Variants in DLG2 observed in about 807,000 individuals in gnomAD.
DLG2 encodes disks large homolog 2.
Under a neutral mutation model 132.5 loss-of-function variants are expected in DLG2, and 45 were observed. The ratio of observed to expected loss-of-function variants is 0.34; its 90% CI spans 0.27 to 0.44. The LOEUF is 0.44. Among genes scored for constraint, DLG2 ranks in the 20% least tolerant of loss-of-function variants. The probability of loss-of-function intolerance (pLI) is 1.00; values close to 1 mark genes in which losing one functional copy is unlikely to be tolerated. For synonymous variants in DLG2, 424 were observed against 419.6 expected, an observed-to-expected ratio of 1.01 and a Z score of -0.13; for missense variants, 1,045 against 1,196.9, an observed-to-expected ratio of 0.87 and a Z score of 1.87.
At chr11:84,044,612 T>C (rs2096197042) in intron 11 of DLG2, among the ~76,000 whole-genome samples, 1 of 151,714 alleles carries the variant, frequency 6.6e-6, no homozygotes, top group African/African-American at 2.4e-5. Flanking sequence ...GCTTTTGAGA[T>C]TTTGTTAAAT....
At chr11:83,674,360 G>T (rs1488002837) in intron 18 of DLG2, among the ~76,000 whole-genome samples, 6 of 152,134 alleles carry the variant, frequency 3.9e-5, no homozygotes, top group Non-Finnish European at 7.4e-5. Flanking sequence ...TCCTCTATTT[G>T]TCAGGAACTC....
chr11:83,974,504 A>G (rs1400270724), intron 12 of DLG2, among the ~76,000 whole-genome samples: 1 of 152,056 alleles, frequency 6.6e-6, no homozygotes, highest in African/African-American at 2.4e-5. Context: ...CCATGATAAA[A>G]CAGATTTGTT....
intron 6 of DLG2, among the ~76,000 whole-genome samples, chr11:84,908,785 G>T (rs1229702185): frequency 6.6e-6 from 1 of 150,774 alleles, no homozygotes; most frequent in Admixed American, 6.6e-5. Context: ...TATAAACAAA[G>T]ATTTTGTTGA....
chr11:85,305,826 T>G (rs867192490), intron 3 of DLG2, among the ~76,000 whole-genome samples: 1 of 152,210 alleles, frequency 6.6e-6, no homozygotes, highest in South Asian at 2.1e-4. Context: ...TTTCTTTCTT[T>G]TATACTGTGA....
intron 4 of DLG2, among the ~76,000 whole-genome samples, chr11:85,272,936 C>T (rs572224152): frequency 6.6e-6 from 1 of 152,230 alleles, no homozygotes; most frequent in African/African-American, 2.4e-5. Context: ...ACAGAGCCCT[C>T]AGAAATAACA....
intron 17 of DLG2, among the ~76,000 whole-genome samples, chr11:83,788,290 C>T (rs1270122964): frequency 6.6e-6 from 1 of 152,146 alleles, no homozygotes; most frequent in East Asian, 1.9e-4. Flanking sequence ...GTTAACATCT[C>T]CTTATTCTCT....
At chr11:84,407,581 C>T (rs567896152) in intron 7 of DLG2, among the ~76,000 whole-genome samples, 1 of 152,274 alleles carries the variant, frequency 6.6e-6, no homozygotes, top group African/African-American at 2.4e-5. Flanking sequence ...ACCTTCCTTC[C>T]AACCCTGCTC....
chr11:84,332,420 C>T (rs1433227565), intron 7 of DLG2, among the ~76,000 whole-genome samples: 1 of 151,534 alleles, frequency 6.6e-6, no homozygotes, highest in Non-Finnish European at 1.5e-5. Flanking sequence ...CCGTGTTAGC[C>T]AGGATGGTCT....
At chr11:84,285,082 C>T (rs1371051260) in intron 7 of DLG2, among the ~76,000 whole-genome samples, 3 of 152,146 alleles carry the variant, frequency 2.0e-5, no homozygotes, top group Admixed American at 1.3e-4. Context: ...ATGTAAGTGG[C>T]TCCCTTGTTT....
rs192793053 is a variant in DLG2 at position 84,384,139 on chromosome 11, A to G, written c.520-132848T>C. 2.9e-3 allele frequency among the ~76,000 whole-genome samples: 441 copies of G among 151,420 alleles called. 3 individuals are homozygous for G. The highest frequency in any genetic ancestry group is 0.01 in the African/African-American group (417 of 41,242). On this transcript the variant is annotated intron_variant, in intron 7 of 27. Transcript: ENST00000376104. ...GAGAAAATAATTTTTAAAAAGAACA[A>G]AAGTAAATGTGGAAAGCTGGAAGTG...
At chr11:84,499,728 TTC>T (rs1043891881) in intron 7 of DLG2, among the ~76,000 whole-genome samples, 2 of 152,066 alleles carry the variant, frequency 1.3e-5, no homozygotes, top group East Asian at 3.9e-4. Flanking sequence ...CTCTCTCTGT[TTC>T]TCTCTCTATA....
intron 6 of DLG2, among the ~76,000 whole-genome samples, chr11:84,946,472 TCCTTTATGGCCC>T (rs2050211254): frequency 6.6e-6 from 1 of 151,980 alleles, no homozygotes; most frequent in African/African-American, 2.4e-5. Context: ...GGCAGCAGGT[TCCTTTATGGCCC>T]AGGATGTGTC....
chr11:84,010,869 T>C (rs1237890707), intron 11 of DLG2, among the ~76,000 whole-genome samples: 4 of 152,262 alleles, frequency 2.6e-5, no homozygotes, highest in East Asian at 3.9e-4. Context: ...TTAATTTTAA[T>C]GTGTAAACTG....
chr11:84,044,453 G>A (rs1945803), intron 11 of DLG2, among the ~76,000 whole-genome samples: 132,199 of 151,570 alleles, frequency 0.87, 57,906 homozygotes, highest in Middle Eastern at 0.93. Flanking sequence ...GTTTTCCCAC[G>A]CCAAGTTACA....
chr11:84,975,976 G>A (rs952727924), intron 6 of DLG2, among the ~76,000 whole-genome samples: 2 of 151,946 alleles, frequency 1.3e-5, no homozygotes, highest in Non-Finnish European at 2.9e-5. Context: ...CACTTTCTTG[G>A]CACCTTGCAA....
intron 6 of DLG2, among the ~76,000 whole-genome samples, chr11:84,963,528 A>C (rs2052894087): frequency 1.3e-5 from 2 of 152,142 alleles, no homozygotes; most frequent in Non-Finnish European, 1.5e-5. Context: ...ACATTATTAT[A>C]ATCCTCTTTT....
chr11:83,507,166 A>G (rs1052526205), intron 21 of DLG2, among the ~76,000 whole-genome samples: 1 of 152,124 alleles, frequency 6.6e-6, no homozygotes, highest in Non-Finnish European at 1.5e-5. Flanking sequence ...AGGAATGTCA[A>G]ATGCATTTAT....
chr11:83,462,212 T>C, intron 26 of DLG2, 119 bp from the exon 27 acceptor site: 1 of 673,138 alleles, frequency 1.5e-6, no homozygotes, highest in South Asian at 1.9e-5. Flanking sequence ...CAACAGGTTT[T>C]TAGTCTTCAT....
intron 6 of DLG2, among the ~76,000 whole-genome samples, chr11:84,692,588 G>A (rs2058170505): frequency 6.6e-6 from 1 of 151,664 alleles, no homozygotes. Flanking sequence ...CAGGTCAATT[G>A]CATGGTTAAA....
Sources: allele counts gnomAD v4.1 joint callset (sites outside exome capture counted in the v4.1 genomes callset), GRCh38; gene constraint gnomAD v4.1.1; transcripts MANE v1.5; gene names NCBI Gene and HGNC (gene_info 2026-07-23, HGNC 2026-07-21).